Variants in CSNK1G1 observed in about 807,000 individuals in gnomAD.
CSNK1G1 encodes casein kinase 1 gamma 1.
A neutral mutation model predicts 59.6 loss-of-function variants in CSNK1G1; 22 were observed. The observed-to-expected ratio is 0.37, with a 90% CI of 0.26 to 0.53. The LOEUF (loss-of-function observed/expected upper bound fraction) is 0.53. CSNK1G1 is among the 20% of genes least tolerant of loss of function. CSNK1G1 has a pLI of 0.89. For missense variants in CSNK1G1, 384 were observed against 519.5 expected, an observed-to-expected ratio of 0.74 and a Z score of 2.54; for synonymous variants, 179 against 177.1, an observed-to-expected ratio of 1.01 and a Z score of -0.08.
At position 64,300,431 on chromosome 15, in the gene CSNK1G1, T is replaced by C. The variant is rs754190645; in HGVS notation, c.69A>G (p.Ala23=). The change falls in exon 2 of 12, where the codon GCA becomes GCG. Residue 23 remains alanine, a synonymous_variant. Coordinates refer to ENST00000303052, the MANE Select transcript of CSNK1G1 (RefSeq NM_022048.5). The part of the protein sequence containing the change: ...RTTKPMAQRS[A]HCSRPSGSSS... ...AGGAGCCAGATGGTCGAGAGCAGTGTGCACTCCTTTGTGCCATGGGTTTAG... is the reference window on the plus strand; with the variant it reads ...AGGAGCCAGATGGTCGAGAGCAGTGCGCACTCCTTTGTGCCATGGGTTTAG... 13 of 1,614,088 alleles carry C rather than the reference T, an allele frequency of 8.1e-6. No homozygotes were observed. The highest frequency in any genetic ancestry group is 1.1e-5 in the South Asian group (1 of 91,090).
chr15:64,332,682 A>T (rs1411907564), intron 1 of CSNK1G1, among the ~76,000 whole-genome samples: 2 of 137,158 alleles, frequency 1.5e-5, no homozygotes, highest in African/African-American at 5.0e-5. Flanking sequence ...AATTAAAAAT[A>T]AAATAAAATA....
At chr15:64,303,565 AAT>A (rs1474771935) in intron 1 of CSNK1G1, among the ~76,000 whole-genome samples, 2 of 151,956 alleles carry the variant, frequency 1.3e-5, no homozygotes, top group Non-Finnish European at 2.9e-5. Flanking sequence ...CAGCCTGGCC[AAT>A]ATGACGAAAC....
At chr15:64,205,253 A>G (rs2082161541) in intron 7 of CSNK1G1, among the ~76,000 whole-genome samples, 1 of 152,226 alleles carries the variant, frequency 6.6e-6, no homozygotes, top group Non-Finnish European at 1.5e-5. Flanking sequence ...CAATATTTTC[A>G]AAATTGCAGA....
At chr15:64,201,287 A>AAAG (rs1555499586) in intron 10 of CSNK1G1, among the ~76,000 whole-genome samples, 3 of 149,076 alleles carry the variant, frequency 2.0e-5, no homozygotes, top group African/African-American at 7.7e-5. Flanking sequence ...AAAAAAAAAA[A>AAAG]AAAGAAAGAA....
At position 64,207,685 on chromosome 15, in the gene CSNK1G1, C is replaced by G. The variant is rs2082200200; in HGVS notation, c.680-91G>C. 3 of 917,780 alleles carry G rather than the reference C, an allele frequency of 3.3e-6. No individual in the cohort carries two copies. In the Admixed American group the frequency reaches 5.8e-5, roughly 18 times the overall value. The allele number at this position is 917,780 out of a possible 1,614,324, so 56.9% of individuals were successfully genotyped here. A position where few individuals can be genotyped will look rare whatever the true frequency, so the allele number is the denominator to read the frequency against. On this transcript the variant is annotated intron_variant, in intron 6 of 11. Transcript: ENST00000303052. The stretch of plus-strand genomic sequence containing the variant: ...AGTAATCCCTTCAGAAACCCTTCGG[C>G]TCTGGAAAGGCTCTGCTTACTAATT...
chr15:64,182,332 C>T (rs2081830234), intron 10 of CSNK1G1, among the ~76,000 whole-genome samples: 1 of 152,090 alleles, frequency 6.6e-6, no homozygotes, highest in Admixed American at 6.5e-5. Flanking sequence ...CTTGGCTTCC[C>T]GAAGTGCTGG....
rs1168244342 is a variant in CSNK1G1, at chr15:64,168,538, A to G, written c.*3393T>C. 1 of 152,214 alleles carries G rather than the reference A, an allele frequency of 6.6e-6. No homozygotes were observed. Among genetic ancestry groups the G allele is most frequent in the Admixed American group, 6.5e-5 (1 of 15,288 alleles). The allele number at this position is 152,214 out of a possible 1,614,324, so 9.4% of individuals were successfully genotyped here. A position where few individuals can be genotyped will look rare whatever the true frequency, so the allele number is the denominator to read the frequency against. ...ACTGTAGAGCTTGGGAAAACTCCTA[A>G]TGTATACTATTAAGGGTTTTTATGA... On this transcript the variant is annotated 3_prime_UTR_variant, in exon 12 of 12. Transcript: ENST00000303052.
chr15:64,248,200 T>C (rs1220424341), intron 4 of CSNK1G1, among the ~76,000 whole-genome samples: 1 of 152,130 alleles, frequency 6.6e-6, no homozygotes, highest in Non-Finnish European at 1.5e-5. Context: ...AGCTGAGAAC[T>C]TACTCTGAAA....
At position 64,233,725 on chromosome 15, in the gene CSNK1G1, G is replaced by A. The variant is rs1328123674; in HGVS notation, c.293-17012C>T. 2.0e-5 allele frequency among the ~76,000 whole-genome samples: 3 copies of A among 152,068 alleles called. No homozygotes were observed. The South Asian group carries it at 6.2e-4, about 31-fold the overall frequency. ...TTTTTGTTTTTTGCAAACTAGTATAGCTAAAGGCTGAGGTCCTGATATTTC... is the reference window on the plus strand; with the variant it reads ...TTTTTGTTTTTTGCAAACTAGTATAACTAAAGGCTGAGGTCCTGATATTTC... On this transcript the variant is annotated intron_variant, in intron 4 of 11. Coordinates refer to ENST00000303052, the MANE Select transcript of CSNK1G1 (RefSeq NM_022048.5).
chr15:64,319,005 T>G (rs918665477), intron 1 of CSNK1G1, among the ~76,000 whole-genome samples: 4 of 151,694 alleles, frequency 2.6e-5, no homozygotes, highest in African/African-American at 9.7e-5. Flanking sequence ...CACACACCAC[T>G]ACACCTGGCT....
intron 1 of CSNK1G1, among the ~76,000 whole-genome samples, chr15:64,303,917 A>C (rs1169816782): frequency 4.5e-4 from 1 of 2,202 alleles, no homozygotes; most frequent in Admixed American, 6.3e-3. Context: ...GGCCCTGTCC[A>C]AAAAAAAAAA....
chr15:64,333,182 A>C (rs1897203898), intron 1 of CSNK1G1, among the ~76,000 whole-genome samples: 1 of 139,040 alleles, frequency 7.2e-6, no homozygotes, highest in Non-Finnish European at 1.5e-5. Context: ...ACTTGAACCC[A>C]GGAGGCCAAG....
In CSNK1G1 at chr15:64,253,660, C is replaced by T. The variant is rs188442233; in HGVS notation, c.223-2079G>A. Among the ~76,000 whole-genome samples the T allele has an allele frequency of 2.5e-4, 38 of 152,114 alleles. No individual in the cohort carries two copies. In the Middle Eastern group the frequency reaches 0.017, roughly 68 times the overall value. ...ATGCACAATAACTAAAAGGTGGAAG[C>T]GACCTAAGTGTGCATAATTGGATGA... On this transcript the variant is annotated intron_variant, in intron 3 of 11. Coordinates refer to ENST00000303052, the MANE Select transcript of CSNK1G1 (RefSeq NM_022048.5).
chr15:64,329,105 G>C (rs984662095), intron 1 of CSNK1G1, among the ~76,000 whole-genome samples: 3 of 151,132 alleles, frequency 2.0e-5, no homozygotes, highest in African/African-American at 7.3e-5. Flanking sequence ...GTCAACATTA[G>C]ACAGATCAAC....
At chr15:64,334,391 A>C (rs1897266537) in intron 1 of CSNK1G1, among the ~76,000 whole-genome samples, 1 of 152,078 alleles carries the variant, frequency 6.6e-6, no homozygotes, top group South Asian at 2.1e-4. Flanking sequence ...ATTTTTCCAC[A>C]GACTGGGGGT....
In CSNK1G1 at chr15:64,338,700, C is replaced by CAAAAAAAAAAAA. The variant is rs34206192; in HGVS notation, c.-225+17276_-225+17287dup. 2.2e-4 allele frequency among the ~76,000 whole-genome samples: 7 copies of CAAAAAAAAAAAA among 31,532 alleles called. 1 individual carries two copies. Among genetic ancestry groups the CAAAAAAAAAAAA allele is most frequent in the African/African-American group, 1.3e-3 (7 of 5,382 alleles). 20.7% of individuals were successfully genotyped at this position (31,532 alleles called of 152,430 possible). On this transcript the variant is annotated intron_variant, in intron 1 of 11. Transcript: ENST00000303052. ...GGGCAACAAGAGTGAAACTCGGTCT[C>CAAAAAAAAAAAA]AAAAAAAAAAAAAAAAAAAAAAAAA...
intron 10 of CSNK1G1, among the ~76,000 whole-genome samples, chr15:64,187,962 T>G (rs1755087278): frequency 6.6e-6 from 1 of 152,238 alleles, no homozygotes; most frequent in Admixed American, 6.5e-5. Flanking sequence ...CATTCTCAGC[T>G]TATGCGTTAA....
At chr15:64,261,610 C>T (rs1274062473) in intron 2 of CSNK1G1, among the ~76,000 whole-genome samples, 5 of 150,838 alleles carry the variant, frequency 3.3e-5, no homozygotes, top group South Asian at 4.2e-4. Context: ...TCAAAAACAA[C>T]AACAACAAAA....
intron 11 of CSNK1G1, among the ~76,000 whole-genome samples, chr15:64,178,376 G>A (rs907959772): frequency 6.6e-6 from 1 of 151,930 alleles, no homozygotes; most frequent in Middle Eastern, 3.2e-3. Context: ...CTCTGAAGCT[G>A]CCTACAGTTA....
Sources: allele counts gnomAD v4.1 joint callset (sites outside exome capture counted in the v4.1 genomes callset), GRCh38; gene constraint gnomAD v4.1.1; transcripts MANE v1.5; gene names NCBI Gene and HGNC (gene_info 2026-07-23, HGNC 2026-07-21).